BAZ1B: variants seen among roughly 807,000 people sequenced by gnomAD.
BAZ1B encodes the protein bromodomain adjacent to zinc finger domain 1B, also known as tyrosine-protein kinase BAZ1B.
In BAZ1B, 22 loss-of-function variants were observed where a neutral mutation model predicts 153.8. The ratio of observed to expected loss-of-function variants is 0.14; its 90% CI spans 0.10 to 0.20. The LOEUF is 0.20. Among genes scored for constraint, BAZ1B ranks in the 10% least tolerant of loss-of-function variants. The pLI, the probability that BAZ1B is intolerant of heterozygous loss-of-function variation, is 1.00. For synonymous variants in BAZ1B, 676 were observed against 633.4 expected (o/e 1.07, Z -1.01); for missense variants, 1,325 against 1,799.3 (o/e 0.74, Z 4.77).
intron 16 of BAZ1B, among the ~76,000 whole-genome samples, chr7:73,446,079 A>G (rs970851099): frequency 1.3e-5 from 2 of 151,982 alleles, no homozygotes; most frequent in African/African-American, 2.4e-5. Context: ...TATGGGGGGG[A>G]AAGTGGGAGG....
intron 14 of BAZ1B, 105 bp from the exon 15 acceptor site, chr7:73,449,794 TG>T: frequency 7.9e-7 from 1 of 1,261,748 alleles, no homozygotes; most frequent in Non-Finnish European, 1.1e-6. Flanking sequence ...CGAGGAGACA[TG>T]TTCCATAGAA....
intron 13 of BAZ1B, among the ~76,000 whole-genome samples, chr7:73,452,949 A>T (rs1191190999): frequency 1.3e-5 from 2 of 152,250 alleles, no homozygotes; most frequent in Non-Finnish European, 2.9e-5. Context: ...CAAACAATAT[A>T]TCAGTCTTTT....
chr7:73,465,379 A>T, intron 11 of BAZ1B, 60 bp downstream of exon 11: 1 of 1,146,744 alleles, frequency 8.7e-7, no homozygotes. Flanking sequence ...AAACCCTCAG[A>T]TATTTATATC....
chr7:73,474,740 A>G (rs1788936773), intron 7 of BAZ1B, among the ~76,000 whole-genome samples: 1 of 152,234 alleles, frequency 6.6e-6, no homozygotes. Flanking sequence ...ACGCCACTGC[A>G]CTAGCCTGGG....
In BAZ1B at chr7:73,508,407, C is replaced by A; in HGVS notation, c.289G>T (p.Ala97Ser). The A allele has an allele frequency of 6.2e-7, 1 of 1,614,018 alleles. No individual in the cohort carries two copies. Among genetic ancestry groups the A allele is most frequent in the Non-Finnish European group, 8.5e-7 (1 of 1,179,952 alleles). ...LVLEMVHHNT[A>S]SLEKLVDTAW... Reference sequence around the variant, plus strand: ...GTATCTACTAACTTCTCTAAGGAGGCTGTGTTATGGTGAACCATTTCCAGA... The same window carrying A: ...GTATCTACTAACTTCTCTAAGGAGGATGTGTTATGGTGAACCATTTCCAGA... The change falls in exon 3 of 20, where the codon GCC (alanine) becomes TCC (serine). Residue 97 changes from alanine to serine, a missense_variant. Physicochemically the swap from Ala to Ser is moderately conservative, Grantham distance 99. Around this residue, in one of 9 missense-constraint regions of BAZ1B, gnomAD observed 153 missense variants for 204.8 expected, o/e 0.75. Coordinates refer to ENST00000339594, the MANE Select transcript of BAZ1B (RefSeq NM_032408.4).
Position 73,477,189 on chromosome 7 carries a change from T to G in BAZ1B, c.2272A>C (p.Met758Leu). Residue 758 changes from methionine to leucine, a missense_variant, in exon 7 of 20, where the codon ATG (methionine) becomes CTG (leucine). By Grantham distance (15) the Met-to-Leu change is conservative. This residue lies in a region of BAZ1B where 431 missense variants were observed against 563.5 expected (regional missense o/e 0.76). Transcript: ENST00000339594. This position sits in a 1 kb window ranked among gnomAD's most constrained non-coding sequence, Gnocchi z 5.6. Reference sequence around the variant, plus strand: ...ATGTGGTCTTGCACTGAGTATGTCATGAGGATCCGGTGGCACAGTGCTGTC... The same window carrying G: ...ATGTGGTCTTGCACTGAGTATGTCAGGAGGATCCGGTGGCACAGTGCTGTC... The part of the protein sequence containing the change: ...ILTALCHRIL[M>L]TYSVQDHMET... The G allele has an allele frequency of 1.2e-6, 2 of 1,614,254 alleles. No homozygotes were observed. The highest frequency in any genetic ancestry group is 1.7e-6 in the Non-Finnish European group (2 of 1,180,042).
At chr7:73,481,797 G>A (rs1369486663) in intron 6 of BAZ1B, among the ~76,000 whole-genome samples, 3 of 152,136 alleles carry the variant, frequency 2.0e-5, no homozygotes, top group African/African-American at 7.2e-5. Flanking sequence ...CAGCACTTTG[G>A]AAGGCTGAGG....
intron 3 of BAZ1B, among the ~76,000 whole-genome samples, chr7:73,500,801 G>C (rs1409179852): frequency 2.0e-5 from 3 of 151,182 alleles, no homozygotes; most frequent in African/African-American, 4.9e-5. Context: ...TGAGGCAGGA[G>C]AATCAGTTGA....
Position 73,465,521 on chromosome 7 carries a change from G to T in BAZ1B, c.2989C>A (p.Gln997Lys). 6.2e-7 allele frequency: 1 copy of T among 1,603,948 alleles called. No individual in the cohort carries two copies. The highest frequency in any genetic ancestry group is 1.1e-5 in the South Asian group (1 of 89,454). ...TTTAGCAACTCATCCAGCTCCTTTT[G>T]ACTATCACATAAAAACCTGTAGGGG... ...GQNLWFLCDS[Q>K]KELDELLNCL... The change falls in exon 11 of 20, where the codon CAA (glutamine) becomes AAA (lysine). Residue 997 changes from glutamine to lysine, a missense_variant. Gln to Lys is a moderately conservative substitution (Grantham distance 53, BLOSUM62 1). This residue lies in a region of BAZ1B where 431 missense variants were observed against 563.5 expected (regional missense o/e 0.76). Coordinates refer to ENST00000339594, the MANE Select transcript of BAZ1B (RefSeq NM_032408.4).
intron 13 of BAZ1B, among the ~76,000 whole-genome samples, chr7:73,452,567 CAA>C: frequency 6.6e-6 from 1 of 151,930 alleles, no homozygotes; most frequent in East Asian, 1.9e-4. Flanking sequence ...ACTAAAAATA[CAA>C]AAATTAGGCG....
chr7:73,447,363 A>C lies in BAZ1B; in HGVS notation c.3745T>G (p.Ser1249Ala). 1 of 1,613,344 alleles carries C rather than the reference A, an allele frequency of 6.2e-7. No homozygotes were observed. The highest frequency in any genetic ancestry group is 8.5e-7 in the Non-Finnish European group (1 of 1,179,716). ...TCATCTTCACTGTCCTCAGAAGCAG[A>C]CTCTTCAGTATAGTTCCTGTGGGTA... ...NSRGRNYTEE[S>A]ASEDSEDDES... is the part of the protein sequence containing the mutation. Residue 1249 changes from serine to alanine, a missense_variant, in exon 16 of 20, where the codon TCT becomes GCT. Around this residue, in one of 9 missense-constraint regions of BAZ1B, gnomAD observed 271 missense variants for 337.2 expected, o/e 0.80. Transcript: ENST00000339594.
At chr7:73,512,747 C>CA in intron 1 of BAZ1B, among the ~76,000 whole-genome samples, 1 of 152,168 alleles carries the variant, frequency 6.6e-6, no homozygotes, top group East Asian at 1.9e-4. Context: ...CTGTATATTC[C>CA]AAGTGACACA....
chr7:73,455,178 C>T (rs1788151517), intron 13 of BAZ1B, among the ~76,000 whole-genome samples: 1 of 152,094 alleles, frequency 6.6e-6, no homozygotes, highest in African/African-American at 2.4e-5. Context: ...AGCCACCGCA[C>T]CTGGTCCTGA....
chr7:73,507,481 G>A (rs1294754054), intron 3 of BAZ1B, among the ~76,000 whole-genome samples: 2 of 152,120 alleles, frequency 1.3e-5, no homozygotes, highest in African/African-American at 2.4e-5. Context: ...CCAGGAGGTA[G>A]AGGTTGCAAT....
At chr7:73,518,409 T>C (rs1790897988) in intron 1 of BAZ1B, among the ~76,000 whole-genome samples, 3 of 150,848 alleles carry the variant, frequency 2.0e-5, no homozygotes, top group Admixed American at 6.6e-5. Context: ...CGAGACTCCG[T>C]CTCAAAAAAT....
chr7:73,468,496 T>C (rs1223751530), intron 9 of BAZ1B, among the ~76,000 whole-genome samples: 1 of 152,202 alleles, frequency 6.6e-6, no homozygotes, highest in Non-Finnish European at 1.5e-5. Flanking sequence ...AACCATCTTA[T>C]TTTTTTAATT....
intron 15 of BAZ1B, among the ~76,000 whole-genome samples, chr7:73,448,197 G>A (rs1397507102): frequency 1.3e-5 from 2 of 152,242 alleles, no homozygotes; most frequent in South Asian, 2.1e-4. Flanking sequence ...CTAGCTACTC[G>A]GGAGGCTGAG....
intron 16 of BAZ1B, among the ~76,000 whole-genome samples, chr7:73,445,279 C>T (rs956605267): frequency 6.6e-6 from 1 of 152,124 alleles, no homozygotes; most frequent in Admixed American, 6.5e-5. Flanking sequence ...ATCACGATAA[C>T]CCTTTCTTGG....
At chr7:73,505,738 A>C (rs1554577659) in intron 3 of BAZ1B, among the ~76,000 whole-genome samples, 1 of 152,052 alleles carries the variant, frequency 6.6e-6, no homozygotes, top group Non-Finnish European at 1.5e-5. Flanking sequence ...TTTTGGAGAG[A>C]TAGGGTATCG....
Sources: gnomAD v4.1 joint callset for allele counts (sites outside exome capture counted in the v4.1 genomes callset) on GRCh38, gnomAD v4.1.1 for gene constraint, gnomAD v4.1.1 regional missense constraint, Gnocchi (gnomAD v3.1) non-coding constraint, MANE v1.5 for transcripts, NCBI Gene and HGNC (gene_info 2026-07-23, HGNC 2026-07-21) for gene names.